The following DENND5B variants were observed in gnomAD, a reference collection of about 807,000 sequenced individuals.
The protein encoded by DENND5B is DENN domain containing 5B, also known as DENN domain-containing protein 5B.
A neutral mutation model predicts 140.6 loss-of-function variants in DENND5B; 34 were observed. The ratio of observed to expected loss-of-function variants is 0.24; its 90% confidence interval spans 0.18 to 0.32. The LOEUF (loss-of-function observed/expected upper bound fraction) is 0.32, where lower values mean the gene tolerates loss of function less well. Ranked by LOEUF, DENND5B falls within the 10% of genes least tolerant of loss-of-function variation. DENND5B has a pLI of 1.00. For missense variants in DENND5B, 1,142 were observed against 1,560.2 expected (o/e 0.73, Z 4.52); for synonymous variants, 551 against 562.1 (o/e 0.98, Z 0.28).
In DENND5B at chr12:31,562,195, G is replaced by A. The variant is rs567201401; in HGVS notation, c.127+28511C>T. 2.6e-5 allele frequency among the ~76,000 whole-genome samples: 4 copies of A among 152,082 alleles called. No homozygotes were observed. In the South Asian group the frequency reaches 8.3e-4, roughly 32 times the overall value. On this transcript the variant is annotated intron_variant, in intron 1 of 20. Coordinates refer to ENST00000389082, the MANE Select transcript of DENND5B (RefSeq NM_144973.4). Reference sequence around the variant, plus strand: ...TTAGAAATCATATTAATACTATCTGGCCAGCCCTACCTCATTACCACCCAA... The same window carrying A: ...TTAGAAATCATATTAATACTATCTGACCAGCCCTACCTCATTACCACCCAA...
chr12:31,488,233 C>T (rs1946387259), intron 2 of DENND5B, among the ~76,000 whole-genome samples: 3 of 151,940 alleles, frequency 2.0e-5, no homozygotes, highest in Admixed American at 2.0e-4. Context: ...GCCTCAGCTT[C>T]CCAAAGTGCT....
chr12:31,424,078 G>A lies in DENND5B; in HGVS notation c.2392-403C>T, dbSNP rs193258271. ...AATATGTTTGGATATATGGAGTGGC[G>A]ATAAGAGAAAAAAATCGAGGTGAGA... On this transcript the variant is annotated intron_variant, in intron 10 of 20. Coordinates refer to ENST00000389082, the MANE Select transcript of DENND5B (RefSeq NM_144973.4). Among the ~76,000 whole-genome samples the A allele has an allele frequency of 3.5e-3, 535 of 152,130 alleles. 3 individuals carry two copies. Among genetic ancestry groups the A allele is most frequent in the Non-Finnish European group, 5.6e-3 (384 of 67,978 alleles).
rs1412580621 is a variant in DENND5B, at chr12:31,384,115, C to T, written c.*3488G>A. 1 of 152,160 alleles carries T rather than the reference C, an allele frequency of 6.6e-6. No homozygotes were observed. Among genetic ancestry groups the T allele is most frequent in the East Asian group, 1.9e-4 (1 of 5,198 alleles). The allele number at this position is 152,160 out of a possible 1,614,324, so 9.4% of individuals were successfully genotyped here. A position where few individuals can be genotyped will look rare whatever the true frequency, so the allele number is the denominator to read the frequency against. On this transcript the variant is annotated 3_prime_UTR_variant, in exon 21 of 21. Transcript: ENST00000389082. ...TTAAAAGTCAAGCATTTATTCTAAG[C>T]ATTCTGCTACTACTGTTGTGCTCAA...
intron 1 of DENND5B, among the ~76,000 whole-genome samples, chr12:31,587,274 AAACTG>A (rs1489215525): frequency 6.6e-6 from 1 of 152,170 alleles, no homozygotes; most frequent in African/African-American, 2.4e-5. Flanking sequence ...AATACATCCA[AAACTG>A]AACTGATTTC....
intron 2 of DENND5B, among the ~76,000 whole-genome samples, chr12:31,492,283 A>C (rs1446049021): frequency 6.6e-6 from 1 of 152,244 alleles, no homozygotes; most frequent in Non-Finnish European, 1.5e-5. Flanking sequence ...TTTAAAGATT[A>C]ATGTTTTGCA....
rs569318752 is a variant in DENND5B at position 31,383,089 on chromosome 12, A to C, written c.*4514T>G. On this transcript the variant is annotated 3_prime_UTR_variant, in exon 21 of 21. Coordinates refer to ENST00000389082, the MANE Select transcript of DENND5B (RefSeq NM_144973.4). ...ACTCTCAATCAGTGAAGGTGTGTTA[A>C]TACTGAAATATAAATAGCTAAAGTT... The C allele has an allele frequency of 4.6e-5, 7 of 152,334 alleles. No individual in the cohort carries two copies. The South Asian group carries it at 1.0e-3, about 23-fold the overall frequency. The allele number at this position is 152,334 out of a possible 1,614,324, so 9.4% of individuals were successfully genotyped here.
intron 8 of DENND5B, among the ~76,000 whole-genome samples, chr12:31,428,695 G>A (rs1197874335): frequency 6.6e-6 from 1 of 152,130 alleles, no homozygotes; most frequent in African/African-American, 2.4e-5. Flanking sequence ...AGCGTCCTGA[G>A]TAGCTGGGAT....
chr12:31,453,217 G>A (rs941312785), intron 4 of DENND5B, among the ~76,000 whole-genome samples: 5 of 152,184 alleles, frequency 3.3e-5, no homozygotes, highest in African/African-American at 1.2e-4. Context: ...AGAGGCAAGT[G>A]CATATGTAAC....
chr12:31,465,694 T>C (rs192426131), intron 3 of DENND5B: 1 of 152,364 alleles, frequency 6.6e-6, no homozygotes. Flanking sequence ...CTGAATTATG[T>C]TGGCTTTGAG....
chr12:31,551,804 G>C (rs1448445470), intron 1 of DENND5B, among the ~76,000 whole-genome samples: 1 of 152,136 alleles, frequency 6.6e-6, no homozygotes, highest in Non-Finnish European at 1.5e-5. Flanking sequence ...GGATTCCTAG[G>C]TATTTTATTC....
chr12:31,584,756 G>C (rs1431927704), intron 1 of DENND5B, among the ~76,000 whole-genome samples: 1 of 152,138 alleles, frequency 6.6e-6, no homozygotes, highest in Non-Finnish European at 1.5e-5. Flanking sequence ...AGCCCAAGGA[G>C]ATTGAGGCTG....
chr12:31,442,767 A>G lies in DENND5B; in HGVS notation c.2012+8T>C. The G allele has an allele frequency of 6.2e-7, 1 of 1,611,938 alleles. No individual in the cohort carries two copies. Among genetic ancestry groups the G allele is most frequent in the Non-Finnish European group, 8.5e-7 (1 of 1,178,872 alleles). On this transcript the variant is annotated splice_region_variant and intron_variant, in intron 7 of 20. Coordinates refer to ENST00000389082, the MANE Select transcript of DENND5B (RefSeq NM_144973.4). ...TCAACCAACTACTCAAGTGAAGAAC[A>G]TGCTTACTTGTTACTGGTTGGTCCT...
At chr12:31,389,804 A>C (rs572196399) in intron 19 of DENND5B, among the ~76,000 whole-genome samples, 57 of 152,326 alleles carry the variant, frequency 3.7e-4, no homozygotes, top group Non-Finnish European at 7.6e-4. Context: ...TCTTCTGTTA[A>C]GACTGGAACC....
At chr12:31,541,012 T>A (rs1948666258) in intron 1 of DENND5B, 1 of 453,560 alleles carries the variant, frequency 2.2e-6, no homozygotes, top group African/African-American at 2.0e-5. Context: ...CGCAGAAGAA[T>A]GAAGGTTGAC....
rs1325229318 is a variant in DENND5B, at chr12:31,591,130, C to T, written c.-298G>A. On this transcript the variant is annotated 5_prime_UTR_variant, in exon 1 of 21. Coordinates refer to ENST00000389082, the MANE Select transcript of DENND5B (RefSeq NM_144973.4). ...GCTGCGCTCGCGAGCTGAGAGCCGC[C>T]GCGTCTGGCGCCCGCGGGTCAGCTG... 6.6e-6 allele frequency: 1 copy of T among 150,814 alleles called. No individual in the cohort carries two copies. Among genetic ancestry groups the T allele is most frequent in the African/African-American group, 2.4e-5 (1 of 41,086 alleles). 9.3% of individuals were successfully genotyped at this position (150,814 alleles called of 1,614,324 possible).
At chr12:31,402,463 T>C (rs1024037501) in intron 15 of DENND5B, 35 bp downstream of exon 15, 16 of 1,590,760 alleles carry the variant, frequency 1.0e-5, no homozygotes, top group Admixed American at 1.8e-5. Flanking sequence ...CTACACGTGA[T>C]ACATTCTTCT....
chr12:31,452,386 C>A lies in DENND5B; in HGVS notation c.1183G>T (p.Glu395Ter). The change falls in exon 5 of 21, where the codon GAA becomes TAA. Residue 395 changes from glutamate (E) to a stop codon, truncating the protein, a stop_gained. Coordinates refer to ENST00000389082, the MANE Select transcript of DENND5B (RefSeq NM_144973.4). LOFTEE classifies it high-confidence loss of function. ...QFPNKVDFIQ[E>*]LSEVLVQFGI... is the part of the protein sequence containing the mutation. ...AATTGAACAAGAACCTCAGAGAGTTCTTGGATAAAATCCACTTTATTGGGG... is the reference window on the plus strand; with the variant it reads ...AATTGAACAAGAACCTCAGAGAGTTATTGGATAAAATCCACTTTATTGGGG... 6.2e-7 allele frequency: 1 copy of A among 1,613,924 alleles called. No homozygotes were observed. The highest frequency in any genetic ancestry group is 8.5e-7 in the Non-Finnish European group (1 of 1,179,876).
At chr12:31,424,509 T>C in intron 10 of DENND5B, 26 bp downstream of exon 10, 1 of 1,590,600 alleles carries the variant, frequency 6.3e-7, no homozygotes, top group Non-Finnish European at 8.6e-7. Context: ...ACTGGCCATG[T>C]CACCAGGACC....
intron 14 of DENND5B, among the ~76,000 whole-genome samples, chr12:31,406,466 C>CAT (rs1332346890): frequency 1.3e-5 from 2 of 152,014 alleles, no homozygotes; most frequent in African/African-American, 4.8e-5. Context: ...GAGAAAAGGC[C>CAT]ATATATTCAC....
Sources: allele counts gnomAD v4.1 joint callset (sites outside exome capture counted in the v4.1 genomes callset), GRCh38; gene constraint gnomAD v4.1.1; transcripts MANE v1.5; gene names NCBI Gene and HGNC (gene_info 2026-07-23, HGNC 2026-07-21).